The following RBM3 variants were observed in gnomAD, a reference collection of about 807,000 sequenced individuals.
The protein encoded by RBM3 is RNA binding motif protein 3.
Under a neutral mutation model 12.0 loss-of-function variants are expected in RBM3, and 3 were observed. That is an observed-to-expected ratio of 0.25 (90% CI 0.11 to 0.65). RBM3 has a LOEUF of 0.65. Among genes scored for constraint, RBM3 ranks in the 30% least tolerant of loss-of-function variants. RBM3 has a pLI of 0.84. For missense variants in RBM3, 108 were observed against 134.5 expected (o/e 0.80, Z 0.97); for synonymous variants, 58 against 45.7 (o/e 1.27, Z -1.08).
At chrX:48,575,076 C>T (rs1006048696) in intron 1 of RBM3, 92 bp from the exon 2 acceptor site, 85 of 642,851 alleles carry the variant, frequency 1.3e-4, no homozygotes, top group Admixed American at 5.6e-5. Context: ...TGTCTATTTT[C>T]TGTGCTTTTT....
Position 48,575,106 on chromosome X carries a change from A to G in RBM3, c.-13-62A>G, listed in dbSNP as rs782374760. 10 of 832,408 alleles carry G rather than the reference A, an allele frequency of 1.2e-5. No individual in the cohort carries two copies. In the East Asian group the frequency reaches 1.4e-4, roughly 11 times the overall value. The allele number at this position is 832,408 out of a possible 1,213,427, so 68.6% of individuals were successfully genotyped here. A position where few individuals can be genotyped will look rare whatever the true frequency, so the allele number is the denominator to read the frequency against. ...CTTTTTCTCTGCTTTCCGTCTCGCT[A>G]TTTTCTCACATCTCCATTTTCTTTC... On this transcript the variant is annotated intron_variant, in intron 1 of 6. Coordinates refer to ENST00000376759, the MANE Select transcript of RBM3 (RefSeq NM_006743.5).
chrX:48,574,884 A>G, intron 1 of RBM3: 1 of 400,766 alleles, frequency 2.5e-6, no homozygotes, highest in Non-Finnish European at 4.6e-6. Flanking sequence ...CGTTAAGGGA[A>G]CGCAGGGATG....
At chrX:48,576,285 C>T (rs781932193) in intron 3 of RBM3, 29 bp from the exon 4 acceptor site, 1 of 1,197,234 alleles carries the variant, frequency 8.4e-7, no homozygotes, top group Non-Finnish European at 1.1e-6. Flanking sequence ...TGACTGCCAA[C>T]CCATCATCCT....
Position 48,574,535 on chromosome X carries a change from C to G in RBM3, c.-52C>G. ...TCCCTGTTTTTTGTGCTCCTCCGAGCTCGCTGTTCGTCCGGGTTTTTTACG... is the reference window on the plus strand; with the variant it reads ...TCCCTGTTTTTTGTGCTCCTCCGAGGTCGCTGTTCGTCCGGGTTTTTTACG... On this transcript the variant is annotated 5_prime_UTR_variant, in exon 1 of 7. Transcript: ENST00000376759. The G allele has an allele frequency of 3.0e-6, 1 of 332,645 alleles. No individual in the cohort carries two copies. Among genetic ancestry groups the G allele is most frequent in the Non-Finnish European group, 5.9e-6 (1 of 170,424 alleles). The allele number at this position is 332,645 out of a possible 1,213,427, so 27.4% of individuals were successfully genotyped here. A position where few individuals can be genotyped will look rare whatever the true frequency, so the allele number is the denominator to read the frequency against.
Position 48,581,076 on chromosome X carries a change from G to GT in RBM3, c.*3635_*3636insT. On this transcript the variant is annotated 3_prime_UTR_variant, in exon 7 of 7. Transcript: ENST00000376759. ...GAAGTGCCCTGGATCTGGGGGCGGGGGGGGGCGGGGGGAATGGGTCTTTTC... is the reference window on the plus strand; with the variant it reads ...GAAGTGCCCTGGATCTGGGGGCGGGGTGGGGGCGGGGGGAATGGGTCTTTTC... 1 of 103,798 alleles carries GT rather than the reference G, an allele frequency of 9.6e-6. No homozygotes were observed. The highest frequency in any genetic ancestry group is 4.5e-4 in the South Asian group (1 of 2,235). The allele number at this position is 103,798 out of a possible 1,213,427, so 8.6% of individuals were successfully genotyped here. A position where few individuals can be genotyped will look rare whatever the true frequency, so the allele number is the denominator to read the frequency against.
intron 1 of RBM3, 95 bp downstream of exon 1, chrX:48,574,668 C>T (rs1556988774): frequency 3.0e-6 from 1 of 331,682 alleles, no homozygotes; most frequent in Admixed American, 3.1e-5. Flanking sequence ...GAGTAATGGC[C>T]ACTGACACGT....
At position 48,577,008 on chromosome X, in the gene RBM3, G is replaced by GT. The variant is rs781916896; in HGVS notation, c.414-10dup. The GT allele has an allele frequency of 1.1e-3, 1,301 of 1,204,537 alleles. 2 individuals are homozygous for GT. The highest frequency in any genetic ancestry group is 1.1e-3 in the Non-Finnish European group (1,011 of 892,749). On this transcript the variant is annotated splice_polypyrimidine_tract_variant and intron_variant, in intron 5 of 6. Transcript: ENST00000376759. Reference sequence around the variant, plus strand: ...ATGCAGTACCAGAAAACTTTTGTGTGTTTTTTTTCCCCCCCAGAAACCAGG... The same window carrying GT: ...ATGCAGTACCAGAAAACTTTTGTGTGTTTTTTTTTCCCCCCCAGAAACCAGG...
In RBM3 at chrX:48,575,361, A is replaced by G. The variant is rs201449397; in HGVS notation, c.103+78A>G. ...TTGCATTTCAAGGAGTATTAACTGA[A>G]AAGTTAGGACCCACGCCTCCAAATT... is the stretch of plus-strand genomic sequence containing the variant. On this transcript the variant is annotated intron_variant, in intron 2 of 6. Coordinates refer to ENST00000376759, the MANE Select transcript of RBM3 (RefSeq NM_006743.5). 6.0e-5 allele frequency: 58 copies of G among 968,631 alleles called. No individual in the cohort carries two copies. The East Asian group carries it at 1.8e-3, about 31-fold the overall frequency. The allele number at this position is 968,631 out of a possible 1,213,427, so 79.8% of individuals were successfully genotyped here. A position where few individuals can be genotyped will look rare whatever the true frequency, so the allele number is the denominator to read the frequency against.
rs782019267 is a variant in RBM3, at chrX:48,580,313, T to C, written c.*2872T>C. Among the ~76,000 whole-genome samples, 63 of 111,985 alleles carry C rather than the reference T, an allele frequency of 5.6e-4. No homozygotes were observed. Among genetic ancestry groups the C allele is most frequent in the Admixed American group, 4.8e-4 (5 of 10,403 alleles). ...GAAATCACTTCAGATCCTTGCTTCC[T>C]AGTTTAATTTCTTCTCTGCCTCAGT... On this transcript the variant is annotated 3_prime_UTR_variant, in exon 7 of 7. Transcript: ENST00000376759.
intron 6 of RBM3, 52 bp from the exon 7 acceptor site, chrX:48,577,413 T>C (rs1556989584): frequency 1.2e-5 from 11 of 902,742 alleles, no homozygotes; most frequent in Middle Eastern, 2.7e-4. Context: ...GTGAGCATGT[T>C]GTCAGCTGTT....
At chrX:48,576,270 C>T (rs1556989185) in intron 3 of RBM3, 44 bp from the exon 4 acceptor site, 9 of 1,184,550 alleles carry the variant, frequency 7.6e-6, no homozygotes, top group Non-Finnish European at 1.0e-5. Flanking sequence ...CACCATTGCC[C>T]TGACTGACTG....
Position 48,575,245 on chromosome X carries a change from T to C in RBM3, c.65T>C (p.Leu22Pro). ...AACTTTAACACCGACGAGCAGGCAC[T>C]GGAAGACCACTTCAGCAGTTTCGGA... ...GLNFNTDEQA[L>P]EDHFSSFGPI... The change falls in exon 2 of 7, where the codon CTG (leucine) becomes CCG (proline). Residue 22 changes from leucine (L) to proline (P), a missense_variant. Transcript: ENST00000376759. The C allele has an allele frequency of 8.3e-7, 1 of 1,210,275 alleles. No individual in the cohort carries two copies. The highest frequency in any genetic ancestry group is 1.1e-6 in the Non-Finnish European group (1 of 894,734).
At position 48,577,519 on chromosome X, in the gene RBM3, TA is replaced by T; in HGVS notation, c.*81del. The T allele has an allele frequency of 9.8e-7, 1 of 1,020,372 alleles. No individual in the cohort carries two copies. Among genetic ancestry groups the T allele is most frequent in the Non-Finnish European group, 1.3e-6 (1 of 781,472 alleles). 84.1% of individuals were successfully genotyped at this position (1,020,372 alleles called of 1,213,427 possible). On this transcript the variant is annotated 3_prime_UTR_variant, in exon 7 of 7. Coordinates refer to ENST00000376759, the MANE Select transcript of RBM3 (RefSeq NM_006743.5). ...TCGTCCTTCCAAATGGCTGTATTTA[TA>T]AAGGTTTTTGGAGCTGCACCGAAGC...
Position 48,579,848 on chromosome X carries a change from G to A in RBM3, c.*2407G>A, listed in dbSNP as rs1273125175. ...TTACAATGTGCTTTGTGATCATCCA[G>A]CCCAGGGAGTCCCAGTCTCTGGCTG... On this transcript the variant is annotated 3_prime_UTR_variant, in exon 7 of 7. Coordinates refer to ENST00000376759, the MANE Select transcript of RBM3 (RefSeq NM_006743.5). 9.0e-6 allele frequency: 1 copy of A among 111,658 alleles called. No individual in the cohort carries two copies. Among genetic ancestry groups the A allele is most frequent in the East Asian group, 2.8e-4 (1 of 3,593 alleles). 9.2% of individuals were successfully genotyped at this position (111,658 alleles called of 1,213,427 possible).
intron 3 of RBM3, 91 bp downstream of exon 3, chrX:48,575,758 G>A (rs1210908044): frequency 4.6e-6 from 4 of 874,028 alleles, no homozygotes; most frequent in African/African-American, 4.0e-5. Flanking sequence ...TCGGGGCAGC[G>A]TGGCCACCAA....
In RBM3 at chrX:48,578,113, A is replaced by G. The variant is rs1265461387; in HGVS notation, c.*672A>G. ...GGAAATGTGTATCAAGAACATGATT[A>G]TCCAGCGGTATTTTCTAATTCAGAT... is the stretch of plus-strand genomic sequence containing the variant. On this transcript the variant is annotated 3_prime_UTR_variant, in exon 7 of 7. Transcript: ENST00000376759. The G allele has an allele frequency of 9.0e-6, 1 of 110,698 alleles. No individual in the cohort carries two copies. The highest frequency in any genetic ancestry group is 2.8e-4 in the East Asian group (1 of 3,557). The allele number at this position is 110,698 out of a possible 1,213,427, so 9.1% of individuals were successfully genotyped here. A position where few individuals can be genotyped will look rare whatever the true frequency, so the allele number is the denominator to read the frequency against.
intron 3 of RBM3, 162 bp downstream of exon 3, chrX:48,575,829 C>A: frequency 1.7e-6 from 1 of 583,809 alleles, no homozygotes; most frequent in Non-Finnish European, 2.6e-6. Flanking sequence ...TGGAGGGCAG[C>A]GGCAGACAGA....
Position 48,575,241 on chromosome X carries a change from G to T in RBM3, c.61G>T (p.Ala21Ser), listed in dbSNP as rs782384599. The change falls in exon 2 of 7, where the codon GCA (alanine) becomes TCA (serine). Residue 21 changes from alanine (A) to serine (S), a missense_variant. Physicochemically the swap from Ala to Ser is moderately conservative, Grantham distance 99. Transcript: ENST00000376759. ...GCTCAACTTTAACACCGACGAGCAGGCACTGGAAGACCACTTCAGCAGTTT... is the reference window on the plus strand; with the variant it reads ...GCTCAACTTTAACACCGACGAGCAGTCACTGGAAGACCACTTCAGCAGTTT... ...GGLNFNTDEQ[A>S]LEDHFSSFGP... 1 of 1,210,304 alleles carries T rather than the reference G, an allele frequency of 8.3e-7. No individual in the cohort carries two copies. Among genetic ancestry groups the T allele is most frequent in the South Asian group, 1.8e-5 (1 of 56,638 alleles).
intron 1 of RBM3, chrX:48,574,937 T>C (rs936858292): frequency 2.0e-5 from 9 of 442,944 alleles, no homozygotes; most frequent in Non-Finnish European, 3.7e-5. Context: ...GCGTGGCGGC[T>C]ATGAATGTGA....
Sources: gnomAD v4.1 joint callset for allele counts (sites outside exome capture counted in the v4.1 genomes callset) on GRCh38, gnomAD v4.1.1 for gene constraint, MANE v1.5 for transcripts, NCBI Gene and HGNC (gene_info 2026-07-23, HGNC 2026-07-21) for gene names.